The following RCAN2 variants were observed in gnomAD, a reference collection of about 807,000 sequenced individuals.
The protein encoded by RCAN2 is calcipressin-2.
Under a neutral mutation model 23.6 loss-of-function variants are expected in RCAN2, and 9 were observed. That is an observed-to-expected ratio of 0.38 (90% confidence interval 0.23 to 0.67). RCAN2 has a LOEUF of 0.67. RCAN2 is among the 30% of genes least tolerant of loss of function. RCAN2 has a pLI of 0.51. For missense variants in RCAN2, 273 were observed against 302.3 expected (o/e 0.90, Z 0.72); for synonymous variants, 109 against 115.7 (o/e 0.94, Z 0.37).
chr6:46,458,073 C>T (rs796222481), intron 1 of RCAN2, among the ~76,000 whole-genome samples: 2 of 152,244 alleles, frequency 1.3e-5, no homozygotes, highest in African/African-American at 4.8e-5. Flanking sequence ...CTCATGGTTA[C>T]GCAAGTAAGA....
chr6:46,329,117 A>C (rs1763883273), intron 2 of RCAN2, among the ~76,000 whole-genome samples: 1 of 152,182 alleles, frequency 6.6e-6, no homozygotes, highest in African/African-American at 2.4e-5. Flanking sequence ...AGAAAGAAAC[A>C]AAGGAAAAAC....
At chr6:46,469,727 C>T (rs957061254) in intron 1 of RCAN2, among the ~76,000 whole-genome samples, 8 of 152,132 alleles carry the variant, frequency 5.3e-5, no homozygotes, top group Non-Finnish European at 1.2e-4. Context: ...GTGTCCCCTC[C>T]TAAATGTAGG....
chr6:46,396,085 T>A (rs1342671686), intron 2 of RCAN2, among the ~76,000 whole-genome samples: 1 of 152,226 alleles, frequency 6.6e-6, no homozygotes, highest in Non-Finnish European at 1.5e-5. Context: ...ATTCTGCGCC[T>A]TTAACCAAGT....
intron 2 of RCAN2, among the ~76,000 whole-genome samples, chr6:46,398,226 T>C (rs1187267163): frequency 2.6e-5 from 4 of 152,334 alleles, no homozygotes; most frequent in Admixed American, 2.0e-4. Context: ...CTCTGTGTTA[T>C]GGCAAATAAC....
At chr6:46,325,281 C>T (rs923824515) in intron 2 of RCAN2, 25 of 1,166,668 alleles carry the variant, frequency 2.1e-5, no homozygotes, top group Non-Finnish European at 2.9e-5. Flanking sequence ...ATTTCTAGCG[C>T]AGACTATGAG....
chr6:46,257,004 G>C (rs192659309), intron 2 of RCAN2, among the ~76,000 whole-genome samples: 1 of 152,264 alleles, frequency 6.6e-6, no homozygotes, highest in East Asian at 1.9e-4. Flanking sequence ...CAGGCAGAAG[G>C]ATCTGTCCAG....
chr6:46,235,745 C>A (rs1169510352), intron 4 of RCAN2, among the ~76,000 whole-genome samples: 1 of 152,048 alleles, frequency 6.6e-6, no homozygotes, highest in Non-Finnish European at 1.5e-5. Flanking sequence ...CTTGTCAAAC[C>A]TTCTCTGCAT....
intron 1 of RCAN2, among the ~76,000 whole-genome samples, chr6:46,459,635 T>C (rs1768153378): frequency 6.6e-6 from 1 of 152,226 alleles, no homozygotes; most frequent in Admixed American, 6.5e-5. Flanking sequence ...TTCTAATTTC[T>C]CTTTCTAGTT....
intron 2 of RCAN2, among the ~76,000 whole-genome samples, chr6:46,263,561 A>ATGTGTGTGTGTGTGTGTG (rs1561834156): frequency 2.1e-4 from 12 of 56,224 alleles, no homozygotes; most frequent in South Asian, 5.6e-4. Context: ...GTGTGTGTGT[A>ATGTGTGTGTGTGTGTGTG]TGTGTGTGTG....
At chr6:46,399,857 C>T (rs1766199754) in intron 2 of RCAN2, among the ~76,000 whole-genome samples, 1 of 152,102 alleles carries the variant, frequency 6.6e-6, no homozygotes, top group African/African-American at 2.4e-5. Flanking sequence ...TTTGCAAAGA[C>T]CCTTTTTCCA....
intron 2 of RCAN2, among the ~76,000 whole-genome samples, chr6:46,338,165 T>A (rs1045326374): frequency 7.2e-5 from 11 of 152,178 alleles, no homozygotes; most frequent in Non-Finnish European, 1.5e-4. Flanking sequence ...AGCAGGTGGC[T>A]CTTACAGAGT....
At position 46,478,051 on chromosome 6, in the gene RCAN2, G is replaced by T. The variant is rs370031369; in HGVS notation, c.-3+13122C>A. Among the ~76,000 whole-genome samples the T allele has an allele frequency of 2.0e-5, 3 of 152,074 alleles. No individual in the cohort carries two copies. In the East Asian group the frequency reaches 5.8e-4, roughly 29 times the overall value. Reference sequence around the variant, plus strand: ...TAAAATAATAATCAGAACTACCATCGGTCATTTTCATGAAATATTCCAAGG... The same window carrying T: ...TAAAATAATAATCAGAACTACCATCTGTCATTTTCATGAAATATTCCAAGG... On this transcript the variant is annotated intron_variant, in intron 1 of 4. Transcript: ENST00000371374.
chr6:46,264,844 G>A (rs189464336), intron 2 of RCAN2, among the ~76,000 whole-genome samples: 491 of 152,276 alleles, frequency 3.2e-3, no homozygotes, highest in Middle Eastern at 0.014. Context: ...CTTTCTATAT[G>A]CCAAGTCCAC....
At chr6:46,461,926 G>A (rs1768226255) in intron 1 of RCAN2, among the ~76,000 whole-genome samples, 1 of 152,134 alleles carries the variant, frequency 6.6e-6, no homozygotes, top group Non-Finnish European at 1.5e-5. Flanking sequence ...AAGGAACATG[G>A]CCTTGCCTAC....
chr6:46,458,896 C>CGCGCGTGT (rs57335093), intron 1 of RCAN2, among the ~76,000 whole-genome samples: 81 of 150,036 alleles, frequency 5.4e-4, no homozygotes, highest in South Asian at 1.7e-3. Context: ...CGCGCGCGCA[C>CGCGCGTGT]GTGTGTGTGT....
At chr6:46,292,520 T>C (rs1314312075) in intron 2 of RCAN2, among the ~76,000 whole-genome samples, 1 of 150,948 alleles carries the variant, frequency 6.6e-6, no homozygotes, top group Non-Finnish European at 1.5e-5. Context: ...ATTATTTTAA[T>C]GTTAGCATAT....
intron 2 of RCAN2, among the ~76,000 whole-genome samples, chr6:46,425,032 T>A (rs965804298): frequency 1.1e-4 from 16 of 152,106 alleles, no homozygotes; most frequent in African/African-American, 3.9e-4. Flanking sequence ...ACAGAGAAAA[T>A]TAGACTCCTC....
chr6:46,366,583 T>C (rs1172147976), intron 2 of RCAN2, among the ~76,000 whole-genome samples: 4 of 152,118 alleles, frequency 2.6e-5, no homozygotes, highest in Admixed American at 1.3e-4. Flanking sequence ...TTCTGCTAAG[T>C]TGGTTTTTGA....
At chr6:46,322,649 A>C (rs922873406) in intron 2 of RCAN2, among the ~76,000 whole-genome samples, 1 of 152,252 alleles carries the variant, frequency 6.6e-6, no homozygotes, top group Non-Finnish European at 1.5e-5. Flanking sequence ...TACATGTAGA[A>C]AGTGGGGATG....
Sources: gnomAD v4.1 joint callset for allele counts (sites outside exome capture counted in the v4.1 genomes callset) on GRCh38, gnomAD v4.1.1 for gene constraint, MANE v1.5 for transcripts, NCBI Gene and HGNC (gene_info 2026-07-23, HGNC 2026-07-21) for gene names.